SLC9C2: variants seen among roughly 807,000 people sequenced by gnomAD.
The protein encoded by SLC9C2 is solute carrier family 9 member C2 (putative), also known as sodium/hydrogen exchanger 11.
A neutral mutation model predicts 140.2 loss-of-function variants in SLC9C2; 75 were observed. The observed-to-expected ratio is 0.53, with a 90% confidence interval of 0.44 to 0.65. SLC9C2 has a LOEUF of 0.65. Among genes scored for constraint, SLC9C2 ranks in the 30% least tolerant of loss-of-function variants. The probability of loss-of-function intolerance (pLI) is 0.00; values close to 1 mark genes in which losing one functional copy is unlikely to be tolerated. For missense variants in SLC9C2, 1,074 were observed against 1,331.8 expected (o/e 0.81, Z 3.01); for synonymous variants, 375 against 420.9 (o/e 0.89, Z 1.34).
Position 173,545,612 on chromosome 1 carries a change from C to A in SLC9C2, c.1557+2077G>T, listed in dbSNP as rs540668068. Among the ~76,000 whole-genome samples, 4 of 152,092 alleles carry A rather than the reference C, an allele frequency of 2.6e-5. No homozygotes were observed. The East Asian group carries it at 5.8e-4, about 22-fold the overall frequency. ...AGACTCACACTTCAGGAGAGGCAAC[C>A]AAGGAGCCTCTCGCCTGGATTGCAG... On this transcript the variant is annotated intron_variant, in intron 13 of 27. Coordinates refer to ENST00000367714, the MANE Select transcript of SLC9C2 (RefSeq NM_178527.4).
intron 9 of SLC9C2, among the ~76,000 whole-genome samples, chr1:173,563,376 T>A (rs541466469): frequency 7.2e-4 from 110 of 152,284 alleles, no homozygotes; most frequent in African/African-American, 2.6e-3. Flanking sequence ...ATATTTCTTC[T>A]TTTATGAACT....
chr1:173,586,376 G>A (rs1323526436), intron 5 of SLC9C2, among the ~76,000 whole-genome samples: 1 of 152,120 alleles, frequency 6.6e-6, no homozygotes, highest in Admixed American at 6.5e-5. Context: ...CCACTCATAA[G>A]GTAGTATATT....
Position 173,526,678 on chromosome 1 carries a change from C to T in SLC9C2, c.2350G>A (p.Ala784Thr). ...AACTACCTACCTAATTCTTTGACAG[C>T]ATCCTGTTTGTTGGTTTCCAAAATT... ...CEILETNKQD[A>T]VKELVLMEHE... The change falls in exon 19 of 28, where the codon GCT becomes ACT. Residue 784 changes from alanine (A) to threonine (T), a missense_variant. Physicochemically the swap from Ala to Thr is moderately conservative, Grantham distance 58. Transcript: ENST00000367714. 1 of 1,595,714 alleles carries T rather than the reference C, an allele frequency of 6.3e-7. No individual in the cohort carries two copies. The highest frequency in any genetic ancestry group is 8.5e-7 in the Non-Finnish European group (1 of 1,175,370).
chr1:173,552,029 C>A (rs1475078254), intron 11 of SLC9C2, among the ~76,000 whole-genome samples: 1 of 152,104 alleles, frequency 6.6e-6, no homozygotes, highest in Admixed American at 6.6e-5. Context: ...GGTAAGAAGG[C>A]AAAACAGCCT....
chr1:173,593,369 A>T (rs950882294), intron 4 of SLC9C2, among the ~76,000 whole-genome samples: 39 of 152,036 alleles, frequency 2.6e-4, no homozygotes, highest in African/African-American at 9.2e-4. Flanking sequence ...AAAATACAAA[A>T]ATTAGCCAGG....
At chr1:173,581,229 C>T (rs115888480) in intron 7 of SLC9C2, among the ~76,000 whole-genome samples, 249 of 152,266 alleles carry the variant, frequency 1.6e-3, no homozygotes, top group African/African-American at 5.5e-3. Context: ...ACAGTTACTA[C>T]GTCTCTTAGG....
chr1:173,550,629 G>A (rs1261840744), intron 11 of SLC9C2, among the ~76,000 whole-genome samples: 15 of 151,596 alleles, frequency 9.9e-5, no homozygotes, highest in Admixed American at 9.9e-4. Context: ...AGTAGCAACG[G>A]GGTTTCACCA....
intron 17 of SLC9C2, 92 bp downstream of exon 17, chr1:173,533,517 A>T (rs1479083940): frequency 2.2e-6 from 2 of 909,460 alleles, no homozygotes; most frequent in Middle Eastern, 6.7e-4. Flanking sequence ...GACTCAAGCA[A>T]TCCACCCACC....
chr1:173,532,623 A>T (rs1661658491), intron 17 of SLC9C2, among the ~76,000 whole-genome samples: 1 of 152,196 alleles, frequency 6.6e-6, no homozygotes, highest in South Asian at 2.1e-4. Flanking sequence ...AATTTTACTG[A>T]AACTTAAAGA....
intron 25 of SLC9C2, among the ~76,000 whole-genome samples, chr1:173,505,930 GC>G (rs974209577): frequency 1.4e-5 from 2 of 143,412 alleles, no homozygotes; most frequent in Non-Finnish European, 3.1e-5. Context: ...CAAGTTTTAA[GC>G]CTAAGTGTGC....
chr1:173,500,826 G>C lies in SLC9C2; in HGVS notation c.*268C>G, dbSNP rs928407583. On this transcript the variant is annotated 3_prime_UTR_variant, in exon 28 of 28. Transcript: ENST00000367714. ...CTGGAAACAGGGTTTCATTTGGTAG[G>C]ACATATGTTTCAGTGTATTTTATAT... is the stretch of plus-strand genomic sequence containing the variant. 1 of 245,324 alleles carries C rather than the reference G, an allele frequency of 4.1e-6. No homozygotes were observed. Among genetic ancestry groups the C allele is most frequent in the African/African-American group, 2.2e-5 (1 of 44,946 alleles). The allele number at this position is 245,324 out of a possible 1,614,324, so 15.2% of individuals were successfully genotyped here. A position where few individuals can be genotyped will look rare whatever the true frequency, so the allele number is the denominator to read the frequency against.
At chr1:173,557,199 C>T (rs897405138) in intron 10 of SLC9C2, 141 bp downstream of exon 10, 1 of 764,960 alleles carries the variant, frequency 1.3e-6, no homozygotes, top group Non-Finnish European at 2.1e-6. Context: ...TAACGTTCTG[C>T]TCTGTTCCTT....
chr1:173,503,680 G>T (rs751975654), intron 26 of SLC9C2, among the ~76,000 whole-genome samples: 15 of 152,174 alleles, frequency 9.9e-5, no homozygotes, highest in Non-Finnish European at 1.9e-4. Context: ...AGGAATGAGG[G>T]CTGAGTGCTG....
chr1:173,568,599 A>G (rs1332340554), intron 9 of SLC9C2, among the ~76,000 whole-genome samples: 1 of 152,170 alleles, frequency 6.6e-6, no homozygotes, highest in Non-Finnish European at 1.5e-5. Context: ...ATTCACGTTC[A>G]TGTGTCTTTA....
rs61579339 is a variant in SLC9C2, at chr1:173,599,362, ATTTT to A, written c.228+751_228+754del. ...CAAGAGCGCAAACACATTTTCCTTG[ATTTT>A]TTTTTTTTTTTTTTTTTTTTTTTTT... On this transcript the variant is annotated intron_variant, in intron 3 of 27. Coordinates refer to ENST00000367714, the MANE Select transcript of SLC9C2 (RefSeq NM_178527.4). Among the ~76,000 whole-genome samples, 14 of 68,120 alleles carry A rather than the reference ATTTT, an allele frequency of 2.1e-4. No individual in the cohort carries two copies. The South Asian group carries it at 7.2e-3, about 35-fold the overall frequency. The allele number at this position is 68,120 out of a possible 152,430, so 44.7% of individuals were successfully genotyped here. A position where few individuals can be genotyped will look rare whatever the true frequency, so the allele number is the denominator to read the frequency against.
chr1:173,588,005 A>G (rs1665954415), intron 4 of SLC9C2, among the ~76,000 whole-genome samples, 175 bp from the exon 5 acceptor site: 1 of 152,238 alleles, frequency 6.6e-6, no homozygotes, highest in South Asian at 2.1e-4. Flanking sequence ...GCCCCTTTCA[A>G]ATAAGCAAGA....
intron 13 of SLC9C2, among the ~76,000 whole-genome samples, chr1:173,537,774 G>C (rs1006993239): frequency 6.6e-6 from 1 of 151,954 alleles, no homozygotes; most frequent in Admixed American, 6.6e-5. Flanking sequence ...GCCCCACAAA[G>C]AACTATCAAA....
chr1:173,550,411 A>ATTTTT (rs1380766579), intron 11 of SLC9C2, among the ~76,000 whole-genome samples: 9 of 148,616 alleles, frequency 6.1e-5, no homozygotes, highest in Admixed American at 2.0e-4. Flanking sequence ...ATCTTTTTTT[A>ATTTTT]TTTTTTTATT....
intron 1 of SLC9C2, 73 bp from the exon 2 acceptor site, chr1:173,601,928 TGC>T: frequency 1.1e-6 from 1 of 920,988 alleles, no homozygotes. Flanking sequence ...CCTAAGATTG[TGC>T]CACACTCAGA....
Sources: gnomAD v4.1 joint callset for allele counts (sites outside exome capture counted in the v4.1 genomes callset) on GRCh38, gnomAD v4.1.1 for gene constraint, MANE v1.5 for transcripts, NCBI Gene and HGNC (gene_info 2026-07-23, HGNC 2026-07-21) for gene names.